The following COLEC10 variants were observed in gnomAD, a reference collection of about 807,000 sequenced individuals.
The protein encoded by COLEC10 is collectin-10.
A neutral mutation model predicts 28.4 loss-of-function variants in COLEC10; 22 were observed. That is an observed-to-expected ratio of 0.78 (90% confidence interval 0.55 to 1.11). COLEC10 has a LOEUF of 1.11. Among genes scored for constraint, COLEC10 ranks in the 50% least tolerant of loss-of-function variants. The pLI is 0.00. For synonymous variants in COLEC10, 125 were observed against 116.1 expected, an observed-to-expected ratio of 1.08 and a Z score of -0.49; for missense variants, 361 against 344.1, an observed-to-expected ratio of 1.05 and a Z score of -0.39.
chr8:118,985,099 A>T, the COLEC10 span, among the ~76,000 whole-genome samples: 12 of 152,232 alleles, frequency 7.9e-5, no homozygotes, highest in Admixed American at 3.9e-4. Context: ...AAACCATGTC[A>T]GGAGAATAGT....
intron 1 of COLEC10, among the ~76,000 whole-genome samples, chr8:119,001,986 T>C (rs1343941399): frequency 1.3e-5 from 2 of 152,164 alleles, no homozygotes; most frequent in Non-Finnish European, 2.9e-5. Context: ...TAGCCCCCCA[T>C]TCACAAATAT....
chr8:118,992,619 C>T (rs1457291995), upstream of COLEC10, among the ~76,000 whole-genome samples: 1 of 152,054 alleles, frequency 6.6e-6, no homozygotes, highest in African/African-American at 2.4e-5. Context: ...GGTGTTTATA[C>T]CTCAGAAGTT....
In COLEC10 at chr8:119,017,714, T is replaced by C. The variant is rs570732456; in HGVS notation, n.235+8161T>C. Among the ~76,000 whole-genome samples the C allele has an allele frequency of 2.0e-5, 3 of 152,286 alleles. No homozygotes were observed. In the South Asian group the frequency reaches 6.2e-4, roughly 32 times the overall value. On this transcript the variant is annotated intron_variant and non_coding_transcript_variant, in intron 2 of 6. Coordinates refer to the COLEC10 transcript ENST00000521788. ...TTTTAAATAATTAATTGTATAAATA[T>C]CTATTGGTGTTTTTCTTACTCTTAA...
chr8:119,053,214 A>G (rs562707529), intron 2 of COLEC10, among the ~76,000 whole-genome samples: 1 of 152,244 alleles, frequency 6.6e-6, no homozygotes, highest in African/African-American at 2.4e-5. Context: ...ACTATGTTCT[A>G]TCTGTGGGTG....
upstream of COLEC10, among the ~76,000 whole-genome samples, chr8:118,994,370 C>A (rs1021068940): frequency 1.3e-5 from 2 of 152,106 alleles, no homozygotes; most frequent in African/African-American, 4.8e-5. Context: ...CCTGAAAGAG[C>A]CAATTTACAT....
At chr8:118,995,519 A>T (rs1285984816) in exon 1 of COLEC10, 1 of 152,204 alleles carries the variant, frequency 6.6e-6, no homozygotes, top group Admixed American at 6.5e-5. Context: ...AGACTTATAG[A>T]TAACAAAAGA....
the COLEC10 span, among the ~76,000 whole-genome samples, chr8:118,989,077 A>G: frequency 6.6e-6 from 1 of 152,216 alleles, no homozygotes; most frequent in Non-Finnish European, 1.5e-5. Context: ...ATTTAAAATA[A>G]CTATAATTAA....
At chr8:118,993,634 C>T (rs867232591), upstream of COLEC10, among the ~76,000 whole-genome samples, 12 of 152,256 alleles carry the variant, frequency 7.9e-5, no homozygotes, top group East Asian at 1.9e-4. Context: ...AGATTACAGG[C>T]GTGAGCCACC....
intron 1 of COLEC10, among the ~76,000 whole-genome samples, chr8:119,002,666 C>G (rs1327246529): frequency 6.6e-6 from 1 of 152,100 alleles, no homozygotes; most frequent in Non-Finnish European, 1.5e-5. Flanking sequence ...TAAATGCCTT[C>G]TAGCCACTAC....
At chr8:119,038,103 A>T (rs1814423315) in intron 2 of COLEC10, among the ~76,000 whole-genome samples, 2 of 152,198 alleles carry the variant, frequency 1.3e-5, no homozygotes, top group South Asian at 4.1e-4. Context: ...AAGAAAGTTG[A>T]TTCTCGCTAT....
chr8:119,042,481 A>G (rs1814518008), intron 2 of COLEC10, among the ~76,000 whole-genome samples: 1 of 152,136 alleles, frequency 6.6e-6, no homozygotes, highest in Non-Finnish European at 1.5e-5. Context: ...CAGCCCAAAG[A>G]CAAGGGGTTC....
chr8:118,971,906 G>A, the COLEC10 span, among the ~76,000 whole-genome samples: 17 of 151,980 alleles, frequency 1.1e-4, no homozygotes, highest in African/African-American at 4.1e-4. Context: ...CATTGTATCG[G>A]GAGCTTTTGA....
the COLEC10 span, among the ~76,000 whole-genome samples, chr8:118,969,364 G>C: frequency 1.3e-5 from 2 of 151,998 alleles, no homozygotes; most frequent in South Asian, 4.1e-4. Flanking sequence ...GCAACTAATG[G>C]AGACTCATGG....
chr8:119,058,966 A>G (rs1442745433), intron 2 of COLEC10, among the ~76,000 whole-genome samples: 3 of 152,056 alleles, frequency 2.0e-5, no homozygotes, highest in African/African-American at 7.2e-5. Context: ...TCTTACCTAT[A>G]TATAGTGATA....
At chr8:119,095,003 C>CA (rs1245444146) in intron 3 of COLEC10, among the ~76,000 whole-genome samples, 8 of 151,494 alleles carry the variant, frequency 5.3e-5, no homozygotes, top group Non-Finnish European at 8.8e-5. Context: ...CTAATCACAG[C>CA]AAAAAATGGA....
Position 119,070,476 on chromosome 8 carries a change from T to TCTCC in COLEC10, c.148+3048_148+3049insTCCC, listed in dbSNP as rs1554627418. On this transcript the variant is annotated intron_variant, in intron 1 of 5. Transcript: ENST00000332843. ...CTCTCTCTCTCTCTCTCTCTCTCTC[T>TCTCC]CCTTCCCCCTCCTTCCCTCCCTCTC... is the stretch of plus-strand genomic sequence containing the variant. Among the ~76,000 whole-genome samples, 280 of 99,108 alleles carry TCTCC rather than the reference T, an allele frequency of 2.8e-3. 9 individuals carry two copies. Among genetic ancestry groups the TCTCC allele is most frequent in the East Asian group, 0.028 (81 of 2,932 alleles). 65.0% of individuals were successfully genotyped at this position (99,108 alleles called of 152,430 possible).
the COLEC10 span, among the ~76,000 whole-genome samples, chr8:118,961,342 T>C: frequency 6.6e-6 from 1 of 152,192 alleles, no homozygotes; most frequent in Non-Finnish European, 1.5e-5. Context: ...CAAACCATTA[T>C]CCATTATTTA....
At chr8:119,104,134 G>A (rs1276085157) in intron 5 of COLEC10, among the ~76,000 whole-genome samples, 4 of 152,100 alleles carry the variant, frequency 2.6e-5, no homozygotes, top group Admixed American at 6.6e-5. Context: ...ACTTTCTTAG[G>A]TGAGGGGAAT....
intron 1 of COLEC10, among the ~76,000 whole-genome samples, chr8:119,068,984 A>T (rs1235371623): frequency 6.6e-6 from 1 of 151,956 alleles, no homozygotes; most frequent in Non-Finnish European, 1.5e-5. Context: ...ATAAAATTTA[A>T]TAAATTTTGT....
Sources: allele counts gnomAD v4.1 joint callset (sites outside exome capture counted in the v4.1 genomes callset), GRCh38; gene constraint gnomAD v4.1.1; transcripts MANE v1.5; gene names NCBI Gene and HGNC (gene_info 2026-07-23, HGNC 2026-07-21).